PAQR3: variants seen among roughly 807,000 people sequenced by gnomAD.
PAQR3 encodes the protein progestin and adipoQ receptor family member 3.
A neutral mutation model predicts 41.7 loss-of-function variants in PAQR3; 39 were observed. The ratio of observed to expected loss-of-function variants is 0.93; its 90% CI spans 0.72 to 1.22. PAQR3 has a LOEUF of 1.22. Ranked by LOEUF, PAQR3 falls within the 50% of genes most tolerant of loss-of-function variation. The pLI is 0.00. For synonymous variants in PAQR3, 140 were observed against 140.6 expected, an observed-to-expected ratio of 1.00 and a Z score of 0.03; for missense variants, 366 against 385.6, an observed-to-expected ratio of 0.95 and a Z score of 0.42.
At chr4:78,897,753 G>A (rs535120861) in intron 11 of PAQR3, among the ~76,000 whole-genome samples, 7 of 152,112 alleles carry the variant, frequency 4.6e-5, no homozygotes, top group South Asian at 2.1e-4. Flanking sequence ...TTTCCCAGCC[G>A]TGATTAATAT....
At position 78,917,196 on chromosome 4, in the gene PAQR3, T is replaced by C. The variant is rs1362950296; in HGVS notation, c.*3343A>G. ...TTAAGGAAGCCCAGGTCAAGCATCA[T>C]ATGTAACATGTAGTTAATATTCTCA... On this transcript the variant is annotated 3_prime_UTR_variant, in exon 6 of 6. Coordinates refer to ENST00000512733, the MANE Select transcript of PAQR3 (RefSeq NM_001040202.2). The C allele has an allele frequency of 1.3e-5, 2 of 152,004 alleles. No homozygotes were observed. The highest frequency in any genetic ancestry group is 1.3e-4 in the Admixed American group (2 of 15,218). 9.4% of individuals were successfully genotyped at this position (152,004 alleles called of 1,614,324 possible). A position where few individuals can be genotyped will look rare whatever the true frequency, so the allele number is the denominator to read the frequency against.
intron 4 of PAQR3, among the ~76,000 whole-genome samples, chr4:78,925,022 G>A (rs1353487146): frequency 2.0e-5 from 3 of 152,006 alleles, no homozygotes; most frequent in Non-Finnish European, 1.5e-5. Flanking sequence ...TTGTTAAAGT[G>A]CCTGTCTTTC....
At chr4:78,910,737 G>A (rs1334477067), downstream of PAQR3, 1 of 1,613,746 alleles carries the variant, frequency 6.2e-7, no homozygotes, top group African/African-American at 1.3e-5. Flanking sequence ...CCTCAGTACA[G>A]GGTCAAGTGC....
downstream of PAQR3, among the ~76,000 whole-genome samples, chr4:78,908,084 A>G (rs1734378262): frequency 6.6e-6 from 1 of 152,100 alleles, no homozygotes; most frequent in South Asian, 2.1e-4. Context: ...GTCAAACTTG[A>G]GAATCTGCAT....
rs956468150 is a variant in PAQR3 at position 78,919,373 on chromosome 4, T to C, written c.*1166A>G. On this transcript the variant is annotated 3_prime_UTR_variant, in exon 6 of 6. Transcript: ENST00000512733. ...CTAATGCATATGAAAGACCAAAGAA[T>C]AAGAGGGCTACAATGTATGATAGGG... 1.0e-6 allele frequency: 1 copy of C among 984,268 alleles called. No homozygotes were observed. Among genetic ancestry groups the C allele is most frequent in the South Asian group, 4.7e-5 (1 of 21,266 alleles). 61.0% of individuals were successfully genotyped at this position (984,268 alleles called of 1,614,324 possible).
At position 78,926,640 on chromosome 4, in the gene PAQR3, G is replaced by C; in HGVS notation, c.583C>G (p.Leu195Val). Reference sequence around the variant, plus strand: ...CGGAGCCTTTGCCATTGCTGCGTGAGGTAATTGGGATGAATCTGCGCAAAG... The same window carrying C: ...CGGAGCCTTTGCCATTGCTGCGTGACGTAATTGGGATGAATCTGCGCAAAG... ...VFFAQIHPNY[L>V]TQQWQRLRSI... Residue 195 changes from leucine (L) to valine (V), a missense_variant, in exon 4 of 6, where the codon CTC (leucine) becomes GTC (valine). Leu to Val is a conservative substitution (Grantham distance 32). Coordinates refer to ENST00000512733, the MANE Select transcript of PAQR3 (RefSeq NM_001040202.2). The C allele has an allele frequency of 2.5e-6, 4 of 1,613,954 alleles. No homozygotes were observed. The highest frequency in any genetic ancestry group is 3.4e-6 in the Non-Finnish European group (4 of 1,179,878).
intron 11 of PAQR3, among the ~76,000 whole-genome samples, chr4:78,888,719 C>T (rs1031437041): frequency 6.6e-6 from 1 of 152,246 alleles, no homozygotes; most frequent in Admixed American, 6.5e-5. Flanking sequence ...AGCTCGATTG[C>T]TGCTATTTTG....
In PAQR3 at chr4:78,930,276, G is replaced by C; in HGVS notation, c.398C>G (p.Ser133Ter). ...CATCCATCTTCGACATGTTTTTTCT[G>C]ACCGATGGCAGGAAAAAAGATGATA... ...VGYHLFSCHR[S>*]EKTCRRWMAL... The change falls in exon 3 of 6, where the codon TCA (serine) becomes TGA (stop). Residue 133 changes from serine (S) to a stop codon, truncating the protein, a stop_gained. Coordinates refer to ENST00000512733, the MANE Select transcript of PAQR3 (RefSeq NM_001040202.2). LOFTEE classifies it high-confidence loss of function. 1 of 1,613,546 alleles carries C rather than the reference G, an allele frequency of 6.2e-7. No individual in the cohort carries two copies. Among genetic ancestry groups the C allele is most frequent in the Non-Finnish European group, 8.5e-7 (1 of 1,179,758 alleles).
At chr4:78,899,032 A>C (rs1403210420) in intron 11 of PAQR3, 2 of 152,652 alleles carry the variant, frequency 1.3e-5, no homozygotes, top group East Asian at 3.9e-4. Context: ...TGCCTAAGGA[A>C]GGGTGAACTG....
In PAQR3 at chr4:78,916,612, A is replaced by T. The variant is rs545366289; in HGVS notation, c.*3927T>A. 6.6e-6 allele frequency: 1 copy of T among 152,094 alleles called. No individual in the cohort carries two copies. The highest frequency in any genetic ancestry group is 2.4e-5 in the African/African-American group (1 of 41,570). The allele number at this position is 152,094 out of a possible 1,614,324, so 9.4% of individuals were successfully genotyped here. A position where few individuals can be genotyped will look rare whatever the true frequency, so the allele number is the denominator to read the frequency against. ...GAACACTTAATAGCACGACTTTTTC[A>T]GTGAGTCATAATTACTGATACTCGA... is the stretch of plus-strand genomic sequence containing the variant. On this transcript the variant is annotated 3_prime_UTR_variant, in exon 6 of 6. Transcript: ENST00000512733.
downstream of PAQR3, among the ~76,000 whole-genome samples, chr4:78,909,972 TTAATG>T (rs1431577200): frequency 7.2e-5 from 11 of 152,340 alleles, no homozygotes; most frequent in East Asian, 1.3e-3. Flanking sequence ...TCTCGCTTTT[TTAATG>T]TAATGTATAG....
chr4:78,938,707 C>G (rs1195128112), intron 1 of PAQR3, among the ~76,000 whole-genome samples: 3 of 152,078 alleles, frequency 2.0e-5, no homozygotes, highest in Non-Finnish European at 4.4e-5. Flanking sequence ...AAGGTATACA[C>G]CGGGCAAATA....
At chr4:78,932,564 C>T (rs934651118) in intron 2 of PAQR3, among the ~76,000 whole-genome samples, 2 of 152,092 alleles carry the variant, frequency 1.3e-5, no homozygotes, top group Non-Finnish European at 2.9e-5. Context: ...CATTGTTTAA[C>T]GCAAATGTCC....
chr4:78,889,588 G>T (rs1044134724), intron 11 of PAQR3, among the ~76,000 whole-genome samples: 1 of 152,108 alleles, frequency 6.6e-6, no homozygotes, highest in African/African-American at 2.4e-5. Context: ...ACTGAAACAA[G>T]AATTAACCTC....
intron 3 of PAQR3, 28 bp downstream of exon 3, chr4:78,930,142 C>T (rs367884196): frequency 2.5e-5 from 39 of 1,576,520 alleles, no homozygotes; most frequent in South Asian, 2.1e-4. Context: ...TATGAAAGGT[C>T]GAATGTAAAA....
intron 11 of PAQR3, among the ~76,000 whole-genome samples, chr4:78,890,793 A>G (rs1436639088): frequency 6.6e-6 from 1 of 152,054 alleles, no homozygotes; most frequent in Non-Finnish European, 1.5e-5. Context: ...TTTCCCACCA[A>G]TCTTTATGGA....
rs1332747607 is a variant in PAQR3 at position 78,915,685 on chromosome 4, T to C, written c.*4854A>G. 1.3e-5 allele frequency: 2 copies of C among 151,966 alleles called. No individual in the cohort carries two copies. The highest frequency in any genetic ancestry group is 2.9e-5 in the Non-Finnish European group (2 of 67,892). The allele number at this position is 151,966 out of a possible 1,614,324, so 9.4% of individuals were successfully genotyped here. On this transcript the variant is annotated 3_prime_UTR_variant, in exon 6 of 6. Transcript: ENST00000512733. ...CTACTGTGGAGTTAATGTGAATTTTTAAAAAATGGAATTGCAACCACAATC... is the reference window on the plus strand; with the variant it reads ...CTACTGTGGAGTTAATGTGAATTTTCAAAAAATGGAATTGCAACCACAATC...
intron 3 of PAQR3, among the ~76,000 whole-genome samples, chr4:78,927,155 C>A (rs1736322881): frequency 6.6e-6 from 1 of 152,116 alleles, no homozygotes; most frequent in Admixed American, 6.6e-5. Flanking sequence ...ATTAACTTTA[C>A]TTGGGGTAGC....
Position 78,920,566 on chromosome 4 carries a change from A to T in PAQR3, c.909T>A (p.Pro303=), listed in dbSNP as rs1447843682. ...ACAAATGTGAAACATAGTCAGGACA[A>T]GGCTTGCTATGTCTGTACTGCATGA... ...VYVMQYRHSK[P]CPDYVSHL is the part of the protein sequence containing the mutation. The change falls in exon 6 of 6, where the codon CCT becomes CCA. Residue 303 remains proline (P), a synonymous_variant. Coordinates refer to ENST00000512733, the MANE Select transcript of PAQR3 (RefSeq NM_001040202.2). 6.2e-7 allele frequency: 1 copy of T among 1,610,226 alleles called. No homozygotes were observed. Among genetic ancestry groups the T allele is most frequent in the South Asian group, 1.1e-5 (1 of 90,624 alleles).
Sources: gnomAD v4.1 joint callset for allele counts (sites outside exome capture counted in the v4.1 genomes callset) on GRCh38, gnomAD v4.1.1 for gene constraint, MANE v1.5 for transcripts, NCBI Gene and HGNC (gene_info 2026-07-23, HGNC 2026-07-21) for gene names.